Variants in MAGI1 observed in about 807,000 individuals in gnomAD.
MAGI1 encodes the protein membrane associated guanylate kinase, WW and PDZ domain containing 1, also known as membrane-associated guanylate kinase, WW and PDZ domain-containing protein 1.
MAGI1 carries 58 observed loss-of-function variants against 139.9 expected under a neutral mutation model. That is an observed-to-expected ratio of 0.41 (90% CI 0.34 to 0.52). The LOEUF (loss-of-function observed/expected upper bound fraction) is 0.52. MAGI1 is among the 20% of genes least tolerant of loss of function. The probability of loss-of-function intolerance (pLI) is 0.12; values close to 1 mark genes in which losing one functional copy is unlikely to be tolerated. For missense variants in MAGI1, 1,874 were observed against 1,901.6 expected, an observed-to-expected ratio of 0.99 and a Z score of 0.27; for synonymous variants, 812 against 737.9, an observed-to-expected ratio of 1.10 and a Z score of -1.63.
intron 2 of MAGI1, among the ~76,000 whole-genome samples, chr3:65,520,529 T>C (rs1185204793): frequency 1.3e-5 from 2 of 152,168 alleles, no homozygotes; most frequent in Admixed American, 1.3e-4. Flanking sequence ...TACAAGGAGA[T>C]AATGTAGGTA....
chr3:65,573,014 AT>A (rs558943093), intron 2 of MAGI1, among the ~76,000 whole-genome samples: 130 of 152,242 alleles, frequency 8.5e-4, no homozygotes, highest in Non-Finnish European at 1.3e-3. Flanking sequence ...AGTAAAAAAA[AT>A]GTTATACAGA....
rs141190116 is a variant in MAGI1 at position 65,593,942 on chromosome 3, G to A, written c.430+28030C>T. 7.4e-3 allele frequency among the ~76,000 whole-genome samples: 1,129 copies of A among 151,988 alleles called. 43 individuals carry two copies. The highest frequency in any genetic ancestry group is 0.067 in the Admixed American group (1,020 of 15,248). ...CAGATAATCATTTAAAAATCTTTTC[G>A]CTCAAGAACATTCAGCCTGATGAGT... is the stretch of plus-strand genomic sequence containing the variant. On this transcript the variant is annotated intron_variant, in intron 2 of 22. Transcript: ENST00000402939.
chr3:65,890,103 C>T (rs1020782256), intron 1 of MAGI1, among the ~76,000 whole-genome samples: 5 of 139,956 alleles, frequency 3.6e-5, no homozygotes, highest in East Asian at 2.2e-4. Context: ...CGGTGGCTCA[C>T]GCCTGTAATC....
At chr3:65,934,424 C>T (rs919701255) in intron 1 of MAGI1, among the ~76,000 whole-genome samples, 3 of 151,900 alleles carry the variant, frequency 2.0e-5, no homozygotes, top group South Asian at 2.1e-4. Flanking sequence ...AACAATAGGT[C>T]GGATAAAGCA....
At position 65,381,962 on chromosome 3, in the gene MAGI1, T is replaced by G. The variant is rs1182001563; in HGVS notation, c.2616A>C (p.Ser872=). The part of the protein sequence containing the change: ...CVDGTPVIGK[S]HQLVVQLMQQ... ...GCATAAGCTGGACCACAAGCTGGTG[T>G]GATTTTCCAATTACTGGCGTCCCAT... The change falls in exon 16 of 23, where the codon TCA becomes TCC. Residue 872 remains serine (S), a synonymous_variant. Transcript: ENST00000402939. 4 of 1,614,030 alleles carry G rather than the reference T, an allele frequency of 2.5e-6. No homozygotes were observed. The African/African-American group carries it at 5.3e-5, about 22-fold the overall frequency.
chr3:65,356,118 T>G lies in MAGI1; in HGVS notation c.*260A>C, dbSNP rs1217393460. On this transcript the variant is annotated 3_prime_UTR_variant, in exon 23 of 23. Transcript: ENST00000402939. Reference sequence around the variant, plus strand: ...AGGTTACGTAGAAACAAAATTTATATCCCTTTGGGCCAGCATTTGGCAAAT... The same window carrying G: ...AGGTTACGTAGAAACAAAATTTATAGCCCTTTGGGCCAGCATTTGGCAAAT... 9.7e-6 allele frequency: 3 copies of G among 307,710 alleles called. No homozygotes were observed. Among genetic ancestry groups the G allele is most frequent in the African/African-American group, 2.2e-5 (1 of 46,394 alleles). 19.1% of individuals were successfully genotyped at this position (307,710 alleles called of 1,614,324 possible). A position where few individuals can be genotyped will look rare whatever the true frequency, so the allele number is the denominator to read the frequency against.
chr3:65,893,378 T>C lies in MAGI1; in HGVS notation c.313+144618A>G, dbSNP rs188221205. Among the ~76,000 whole-genome samples the C allele has an allele frequency of 1.8e-3, 279 of 152,248 alleles. 1 individual carries two copies. The highest frequency in any genetic ancestry group is 3.2e-3 in the Non-Finnish European group (219 of 68,020). The stretch of plus-strand genomic sequence containing the variant: ...GAAAATTACATTCAAACCGGTTTCT[T>C]GCCTGGAGAAAAGCACAAAACAAAA... On this transcript the variant is annotated intron_variant, in intron 1 of 22. Transcript: ENST00000402939.
At chr3:65,547,201 A>G (rs1345663027) in intron 2 of MAGI1, among the ~76,000 whole-genome samples, 1 of 152,236 alleles carries the variant, frequency 6.6e-6, no homozygotes, top group Non-Finnish European at 1.5e-5. Flanking sequence ...CTTATGCAAA[A>G]TAACTCAATG....
In MAGI1 at chr3:65,984,707, TTTTTC is replaced by T. The variant is rs199590001; in HGVS notation, c.313+53284_313+53288del. Among the ~76,000 whole-genome samples the T allele has an allele frequency of 3.9e-4, 24 of 60,808 alleles. 1 individual carries two copies. Among genetic ancestry groups the T allele is most frequent in the Admixed American group, 1.1e-3 (5 of 4,462 alleles). 39.9% of individuals were successfully genotyped at this position (60,808 alleles called of 152,430 possible). A position where few individuals can be genotyped will look rare whatever the true frequency, so the allele number is the denominator to read the frequency against. Reference sequence around the variant, plus strand: ...TGCACCACCATGCCTTGCTAATTTTTTTTTCTTTTTTTTTTTTTTTTTAGAGATAG... The same window carrying T: ...TGCACCACCATGCCTTGCTAATTTTTTTTTTTTTTTTTTTTTTAGAGATAG... On this transcript the variant is annotated intron_variant, in intron 1 of 22. Coordinates refer to ENST00000402939, the MANE Select transcript of MAGI1 (RefSeq NM_001033057.2).
chr3:65,768,107 T>C (rs548108103), intron 1 of MAGI1, among the ~76,000 whole-genome samples: 1 of 152,306 alleles, frequency 6.6e-6, no homozygotes, highest in East Asian at 1.9e-4. Context: ...GGCAACCCTT[T>C]ACACAAGTTG....
intron 2 of MAGI1, among the ~76,000 whole-genome samples, chr3:65,620,627 C>A (rs539145797): frequency 6.6e-6 from 1 of 152,302 alleles, no homozygotes; most frequent in South Asian, 2.1e-4. Context: ...GAAATTACTA[C>A]GAGGTTATTA....
intron 1 of MAGI1, among the ~76,000 whole-genome samples, chr3:65,669,324 C>T (rs2086713420): frequency 6.6e-6 from 1 of 152,146 alleles, no homozygotes. Flanking sequence ...GAAACTCTTG[C>T]AAAATTGCTC....
intron 1 of MAGI1, among the ~76,000 whole-genome samples, chr3:65,648,153 CTTTTT>C (rs11348687): frequency 1.4e-5 from 2 of 146,664 alleles, no homozygotes; most frequent in African/African-American, 4.9e-5. Flanking sequence ...GAATGTATTT[CTTTTT>C]TTTTTTTCTT....
At chr3:65,651,046 C>T (rs2085548603) in intron 1 of MAGI1, among the ~76,000 whole-genome samples, 1 of 152,132 alleles carries the variant, frequency 6.6e-6, no homozygotes, top group South Asian at 2.1e-4. Flanking sequence ...GGGATTGTAA[C>T]TCCCCCAACC....
chr3:65,682,886 G>A (rs768020586), intron 1 of MAGI1, among the ~76,000 whole-genome samples: 3 of 152,086 alleles, frequency 2.0e-5, no homozygotes, highest in Admixed American at 6.6e-5. Flanking sequence ...ACCAGGGACC[G>A]GTTTCATGGA....
At chr3:65,669,969 A>T (rs2086756932) in intron 1 of MAGI1, among the ~76,000 whole-genome samples, 1 of 152,120 alleles carries the variant, frequency 6.6e-6, no homozygotes, top group Admixed American at 6.6e-5. Flanking sequence ...ACATCATCTC[A>T]TCTTTTCTTA....
At chr3:65,978,621 C>CTTTTTTTTTTTTTT (rs373662388) in intron 1 of MAGI1, among the ~76,000 whole-genome samples, 3 of 129,172 alleles carry the variant, frequency 2.3e-5, no homozygotes, top group Non-Finnish European at 1.6e-5. Flanking sequence ...CTCAAAATTT[C>CTTTTTTTTTTTTTT]TTTTTTTTTT....
chr3:65,785,303 A>T (rs6784331), intron 1 of MAGI1, among the ~76,000 whole-genome samples: 7,567 of 152,238 alleles, frequency 0.05, 664 homozygotes, highest in African/African-American at 0.17. Context: ...TCTAACATAC[A>T]GGGGTCCTAT....
In MAGI1 at chr3:66,017,653, C is replaced by T. The variant is rs73833348; in HGVS notation, c.313+20343G>A. 8.2e-4 allele frequency among the ~76,000 whole-genome samples: 125 copies of T among 152,334 alleles called. 1 individual carries two copies. Among genetic ancestry groups the T allele is most frequent in the African/African-American group, 2.7e-3 (112 of 41,580 alleles). On this transcript the variant is annotated intron_variant, in intron 1 of 22. Coordinates refer to ENST00000402939, the MANE Select transcript of MAGI1 (RefSeq NM_001033057.2). ...AGGATGGTACACACACTTCACAGCA[C>T]GTGCTAAGGATGAAGGATGGTGCAC...
Sources: allele counts gnomAD v4.1 joint callset (sites outside exome capture counted in the v4.1 genomes callset), GRCh38; gene constraint gnomAD v4.1.1; transcripts MANE v1.5; gene names NCBI Gene and HGNC (gene_info 2026-07-23, HGNC 2026-07-21).